Variants in BMPR2 observed in about 807,000 individuals in gnomAD.
BMPR2 encodes the protein bone morphogenetic protein receptor type 2.
In BMPR2, 29 loss-of-function variants were observed where a neutral mutation model predicts 100.8. The observed-to-expected ratio is 0.29, with a 90% CI of 0.21 to 0.39. BMPR2 has a LOEUF of 0.39. BMPR2 is among the 10% of genes least tolerant of loss of function. The pLI is 1.00. For missense variants in BMPR2, 1,011 were observed against 1,274.5 expected (o/e 0.79, Z 3.15); for synonymous variants, 382 against 442.3 (o/e 0.86, Z 1.71).
rs545972131 is a variant in BMPR2, at chr2:202,474,410, G to T, written c.418+6721G>T. 5.0e-4 allele frequency among the ~76,000 whole-genome samples: 76 copies of T among 152,064 alleles called. 1 individual carries two copies. In the South Asian group the frequency reaches 0.016, roughly 31 times the overall value. ...AGTGAAGCGGAGGTTGCAGTAAGCT[G>T]AGATCGTGCCACTGCACTCCAGCCT... On this transcript the variant is annotated intron_variant, in intron 3 of 12. Transcript: ENST00000374580.
intron 1 of BMPR2, among the ~76,000 whole-genome samples, chr2:202,451,760 T>A (rs1044969817): frequency 6.6e-6 from 1 of 152,156 alleles, no homozygotes; most frequent in Non-Finnish European, 1.5e-5. Flanking sequence ...TTGTTGTTGT[T>A]GTTTTTGAGA....
intron 1 of BMPR2, among the ~76,000 whole-genome samples, chr2:202,400,839 T>C (rs767174435): frequency 6.6e-5 from 10 of 152,226 alleles, no homozygotes; most frequent in Non-Finnish European, 1.3e-4. Context: ...TTTGTTGTTT[T>C]ATTCATGTAA....
Position 202,377,380 on chromosome 2 carries a change from C to A in BMPR2, c.-95C>A. ...GTATTGTGATACGGGCAGGATCAGT[C>A]CACGGGAGAGAAGACGAGCCTCCCG... is the stretch of plus-strand genomic sequence containing the variant. On this transcript the variant is annotated 5_prime_UTR_variant, in exon 1 of 13. Coordinates refer to ENST00000374580, the MANE Select transcript of BMPR2 (RefSeq NM_001204.7). 1 of 1,197,494 alleles carries A rather than the reference C, an allele frequency of 8.4e-7. No homozygotes were observed. The highest frequency in any genetic ancestry group is 1.2e-5 in the South Asian group (1 of 82,714). The allele number at this position is 1,197,494 out of a possible 1,614,324, so 74.2% of individuals were successfully genotyped here.
At chr2:202,501,351 A>G (rs570952451) in intron 3 of BMPR2, among the ~76,000 whole-genome samples, 66 of 152,336 alleles carry the variant, frequency 4.3e-4, no homozygotes, top group African/African-American at 1.4e-3. Context: ...ACTCTAATCA[A>G]GGAAACCCAG....
chr2:202,438,262 A>G (rs1311121667), intron 1 of BMPR2, among the ~76,000 whole-genome samples: 1 of 150,490 alleles, frequency 6.6e-6, no homozygotes, highest in African/African-American at 2.5e-5. Flanking sequence ...GCGGTGAGCC[A>G]AGATCACGCC....
At chr2:202,489,498 T>C (rs973047701) in intron 3 of BMPR2, among the ~76,000 whole-genome samples, 1 of 152,186 alleles carries the variant, frequency 6.6e-6, no homozygotes, top group Non-Finnish European at 1.5e-5. Context: ...TAGAATATAA[T>C]TGGACTAAGA....
chr2:202,522,785 A>G (rs1053659677), intron 7 of BMPR2, among the ~76,000 whole-genome samples: 5 of 151,970 alleles, frequency 3.3e-5, no homozygotes, highest in African/African-American at 9.7e-5. Context: ...AGCTATGATC[A>G]TGCCACTGCA....
intron 3 of BMPR2, among the ~76,000 whole-genome samples, chr2:202,487,626 C>A (rs1692804908): frequency 6.6e-6 from 1 of 152,200 alleles, no homozygotes. Context: ...GCACCACAAT[C>A]AAGTTATACT....
intron 3 of BMPR2, among the ~76,000 whole-genome samples, chr2:202,509,681 TTTTA>T (rs1323416633): frequency 6.6e-6 from 1 of 151,880 alleles, no homozygotes; most frequent in Non-Finnish European, 1.5e-5. Flanking sequence ...AATTTTAATA[TTTTA>T]TTTAATTGGT....
intron 7 of BMPR2, among the ~76,000 whole-genome samples, chr2:202,522,647 TAGTC>T (rs1687838833): frequency 6.6e-6 from 1 of 152,014 alleles, no homozygotes; most frequent in East Asian, 1.9e-4. Flanking sequence ...CTAGACAACA[TAGTC>T]AGACCCCCAT....
At chr2:202,483,995 G>A (rs973072980) in intron 3 of BMPR2, among the ~76,000 whole-genome samples, 8 of 152,200 alleles carry the variant, frequency 5.3e-5, no homozygotes, top group African/African-American at 1.9e-4. Context: ...TCCAGAAGCT[G>A]AGGCAGTTGG....
At chr2:202,475,221 T>C (rs1692522018) in intron 3 of BMPR2, 1 of 152,006 alleles carries the variant, frequency 6.6e-6, no homozygotes, top group African/African-American at 2.4e-5. Context: ...TTTTTTGTAT[T>C]TGTATTTTTA....
At chr2:202,498,363 C>T (rs542495055) in intron 3 of BMPR2, among the ~76,000 whole-genome samples, 48 of 152,308 alleles carry the variant, frequency 3.2e-4, no homozygotes, top group African/African-American at 8.7e-4. Flanking sequence ...TCTGCTGCTG[C>T]GTCAGTGAGC....
chr2:202,512,315 G>A (rs898073233), intron 3 of BMPR2, among the ~76,000 whole-genome samples: 1 of 152,180 alleles, frequency 6.6e-6, no homozygotes, highest in Non-Finnish European at 1.5e-5. Flanking sequence ...GTCATCAAGC[G>A]CAGCTTCTGA....
intron 1 of BMPR2, among the ~76,000 whole-genome samples, chr2:202,461,399 G>T (rs1293229880): frequency 6.6e-6 from 1 of 152,032 alleles, no homozygotes; most frequent in Non-Finnish European, 1.5e-5. Context: ...CAGGAGAATG[G>T]CTTGAACCCG....
At chr2:202,460,817 C>CTTTT (rs35366212) in intron 1 of BMPR2, among the ~76,000 whole-genome samples, 1 of 132,064 alleles carries the variant, frequency 7.6e-6, no homozygotes, top group Admixed American at 7.7e-5. Context: ...AAAGACCAAA[C>CTTTT]TTTTTTTTTT....
In BMPR2 at chr2:202,518,839, A is replaced by C; in HGVS notation, c.639A>C (p.Arg213=). 1 of 1,614,222 alleles carries C rather than the reference A, an allele frequency of 6.2e-7. No homozygotes were observed. The highest frequency in any genetic ancestry group is 8.5e-7 in the Non-Finnish European group (1 of 1,180,032). The change falls in exon 6 of 13, where the codon CGA becomes CGC. Residue 213 remains arginine, a synonymous_variant. Coordinates refer to ENST00000374580, the MANE Select transcript of BMPR2 (RefSeq NM_001204.7). The stretch of plus-strand genomic sequence containing the variant: ...ACTTGCAGCTGATTGGCCGAGGTCG[A>C]TATGGAGCAGTATATAAAGGCTCCT... The part of the protein sequence containing the change: ...LKLLELIGRG[R]YGAVYKGSLD...
intron 1 of BMPR2, among the ~76,000 whole-genome samples, chr2:202,440,473 A>G (rs1470574748): frequency 2.8e-5 from 4 of 145,354 alleles, no homozygotes; most frequent in African/African-American, 1.1e-4. Context: ...GGCGCTCCTC[A>G]CTTCCCAGAC....
intron 5 of BMPR2, among the ~76,000 whole-genome samples, chr2:202,515,592 A>C (rs1005635839): frequency 6.7e-6 from 1 of 150,060 alleles, no homozygotes; most frequent in Non-Finnish European, 1.5e-5. Flanking sequence ...AAAAGAAAGA[A>C]AGAAAAAGAA....
Sources: gnomAD v4.1 joint callset for allele counts (sites outside exome capture counted in the v4.1 genomes callset) on GRCh38, gnomAD v4.1.1 for gene constraint, MANE v1.5 for transcripts, NCBI Gene and HGNC (gene_info 2026-07-23, HGNC 2026-07-21) for gene names.